The following DNM2 variants were observed in gnomAD, a reference collection of about 807,000 sequenced individuals.
DNM2 encodes dynamin 2.
In DNM2, 15 loss-of-function variants were observed where a neutral mutation model predicts 99.0. The observed-to-expected ratio is 0.15, with a 90% CI of 0.10 to 0.23. The LOEUF (loss-of-function observed/expected upper bound fraction) is 0.23, where lower values mean the gene tolerates loss of function less well. DNM2 is among the 10% of genes least tolerant of loss of function. DNM2 has a pLI of 1.00. For missense variants in DNM2, 742 were observed against 1,189.4 expected, an observed-to-expected ratio of 0.62 and a Z score of 5.53; for synonymous variants, 525 against 481.2, an observed-to-expected ratio of 1.09 and a Z score of -1.19.
Position 10,795,979 on chromosome 19 carries a change from C to T in DNM2, c.1196+540C>T, listed in dbSNP as rs867280547. 3.1e-6 allele frequency: 5 copies of T among 1,602,950 alleles called. No homozygotes were observed. Among genetic ancestry groups the T allele is most frequent in the African/African-American group, 2.7e-5 (2 of 74,780 alleles). On this transcript the variant is annotated intron_variant, in intron 9 of 20. Transcript: ENST00000389253. This position sits in a 1 kb window ranked among gnomAD's most constrained non-coding sequence, Gnocchi z 4.2. ...CAACCTTCATTCCTTGTTGGGGACCCGGCCAGGGCCAATGAAATTGCTGAC... is the reference window on the plus strand; with the variant it reads ...CAACCTTCATTCCTTGTTGGGGACCTGGCCAGGGCCAATGAAATTGCTGAC...
intron 1 of DNM2, among the ~76,000 whole-genome samples, chr19:10,735,417 C>G (rs1299881480): frequency 2.0e-5 from 3 of 152,164 alleles, no homozygotes; most frequent in Non-Finnish European, 4.4e-5. Flanking sequence ...ATGATGCTGA[C>G]CTTGATCTCT....
chr19:10,767,495 A>G (rs2070836308), intron 2 of DNM2, among the ~76,000 whole-genome samples: 1 of 152,154 alleles, frequency 6.6e-6, no homozygotes, highest in South Asian at 2.1e-4. Flanking sequence ...ATTTTTTTGT[A>G]CATGTAGGAT....
At chr19:10,802,654 C>A (rs1466682824) in intron 12 of DNM2, 12 of 475,966 alleles carry the variant, frequency 2.5e-5, no homozygotes, top group African/African-American at 1.2e-4. Context: ...GCTGCACCCC[C>A]TCTCCTTCAG....
At chr19:10,736,712 TTTTTA>T (rs376677048) in intron 1 of DNM2, among the ~76,000 whole-genome samples, 44 of 152,190 alleles carry the variant, frequency 2.9e-4, no homozygotes, top group African/African-American at 1.0e-3. Flanking sequence ...CTGGTACTGG[TTTTTA>T]TAACTGTGTA....
At position 10,795,837 on chromosome 19, in the gene DNM2, CCTT is replaced by C. The variant is rs2146024816; in HGVS notation, c.1196+399_1196+401del. ...TCCTCGTGAGCCTCTTGGGTCCCCT[CCTT>C]ATTCTAACAAAGGTAGTTGCTCCAG... On this transcript the variant is annotated intron_variant, in intron 9 of 20. Transcript: ENST00000389253. The surrounding 1 kb of genome is among the most constrained non-coding windows in gnomAD (Gnocchi z 4.2). 2 of 672,896 alleles carry C rather than the reference CCTT, an allele frequency of 3.0e-6. No individual in the cohort carries two copies. Among genetic ancestry groups the C allele is most frequent in the East Asian group, 5.5e-5 (2 of 36,520 alleles). 41.7% of individuals were successfully genotyped at this position (672,896 alleles called of 1,614,324 possible).
chr19:10,828,502 G>T (rs1322456738), intron 18 of DNM2, among the ~76,000 whole-genome samples: 1 of 151,688 alleles, frequency 6.6e-6, no homozygotes, highest in Non-Finnish European at 1.5e-5. Context: ...CAGGAGAATG[G>T]CATAAACCCG....
chr19:10,797,567 C>T, intron 10 of DNM2, 49 bp downstream of exon 10: 3 of 1,613,288 alleles, frequency 1.9e-6, no homozygotes, highest in Non-Finnish European at 1.7e-6. Context: ...CCTCCCCCTC[C>T]ATGTGTTAGT....
chr19:10,746,826 T>C (rs1425272307), intron 1 of DNM2, among the ~76,000 whole-genome samples: 1 of 141,968 alleles, frequency 7.0e-6, no homozygotes, highest in Non-Finnish European at 1.5e-5. Context: ...GACCTCTGCC[T>C]CCTGGGTTCA....
intron 1 of DNM2, among the ~76,000 whole-genome samples, chr19:10,738,801 C>A (rs544145445): frequency 6.7e-6 from 1 of 149,922 alleles, no homozygotes; most frequent in African/African-American, 2.5e-5. Context: ...ACCCAGGAGG[C>A]AGAGGTTGCT....
intron 7 of DNM2, among the ~76,000 whole-genome samples, chr19:10,792,530 C>A (rs1487886091): frequency 4.6e-5 from 7 of 152,354 alleles, no homozygotes; most frequent in African/African-American, 1.7e-4. Context: ...CAGGCCCGTT[C>A]TAAGGGGCGA....
chr19:10,794,033 G>A (rs1387780174), intron 8 of DNM2, among the ~76,000 whole-genome samples, 178 bp downstream of exon 8: 1 of 152,200 alleles, frequency 6.6e-6, no homozygotes, highest in Non-Finnish European at 1.5e-5. Flanking sequence ...CTGACACTCA[G>A]CTTTGAGGTT....
Position 10,777,219 on chromosome 19 carries a change from G to A in DNM2, c.688+3G>A, listed in dbSNP as rs1317518648. The A allele has an allele frequency of 1.2e-6, 2 of 1,614,000 alleles. No individual in the cohort carries two copies. Among genetic ancestry groups the A allele is most frequent in the Non-Finnish European group, 8.5e-7 (1 of 1,179,980 alleles). On this transcript the variant is annotated splice_donor_region_variant and intron_variant, in intron 5 of 20. Transcript: ENST00000389253. Reference sequence around the variant, plus strand: ...CAAGTTGCTCCCGTTGAGAAGAGGTGTGGCTTTGGGGGTGCTGGGGAAGCA... The same window carrying A: ...CAAGTTGCTCCCGTTGAGAAGAGGTATGGCTTTGGGGGTGCTGGGGAAGCA...
intron 11 of DNM2, among the ~76,000 whole-genome samples, chr19:10,800,691 G>C (rs1390215051): frequency 6.6e-6 from 1 of 152,278 alleles, no homozygotes. Context: ...GGGGAGTCCA[G>C]TGACGCGCAT....
intron 1 of DNM2, among the ~76,000 whole-genome samples, chr19:10,739,814 C>T (rs562738876): frequency 1.3e-5 from 2 of 148,768 alleles, no homozygotes; most frequent in Non-Finnish European, 3.0e-5. Context: ...CGAGATCACT[C>T]CACTGCACTC....
Position 10,796,170 on chromosome 19 carries a change from A to G in DNM2, c.1196+731A>G. On this transcript the variant is annotated intron_variant, in intron 9 of 20. Transcript: ENST00000389253. This position sits in a 1 kb window ranked among gnomAD's most constrained non-coding sequence, Gnocchi z 5.6. The stretch of plus-strand genomic sequence containing the variant: ...TGTCGACCTGGTTATCCAGGAGCTA[A>G]TCAATACAGTTAGGCAGTGTACCAG... 1 of 1,614,160 alleles carries G rather than the reference A, an allele frequency of 6.2e-7. No homozygotes were observed.
chr19:10,766,564 C>T (rs916461104), intron 2 of DNM2, among the ~76,000 whole-genome samples: 10 of 151,994 alleles, frequency 6.6e-5, no homozygotes, highest in Admixed American at 4.6e-4. Context: ...TAGGTTAGAG[C>T]ACAGATTCTT....
In DNM2 at chr19:10,797,460, A is replaced by G; in HGVS notation, c.1277A>G (p.Lys426Arg). The change falls in exon 10 of 21, where the codon AAG (lysine) becomes AGG (arginine). Residue 426 changes from lysine (K) to arginine (R), a missense_variant. Coordinates refer to ENST00000389253, the MANE Select transcript of DNM2 (RefSeq NM_001005361.3). ...QIVKLKEPSLKCVDLVVSELA... is the reference protein window; with the variant it reads ...QIVKLKEPSLRCVDLVVSELA... ...GTAAAACTCAAAGAGCCGAGTTTGA[A>G]GTGTGTTGATCTCGTGGTCTCAGAG... The G allele has an allele frequency of 6.2e-7, 1 of 1,614,058 alleles. No individual in the cohort carries two copies.
At position 10,831,093 on chromosome 19, in the gene DNM2, C is replaced by T. The variant is rs528790280; in HGVS notation, c.*46C>T. ...TCGGGGGGGCCTCACGCACCCGCGG[C>T]GCAGGAGCTTCAGTGGTCTGGGGCC... On this transcript the variant is annotated 3_prime_UTR_variant, in exon 21 of 21. Coordinates refer to ENST00000389253, the MANE Select transcript of DNM2 (RefSeq NM_001005361.3). The surrounding 1 kb of genome is among the most constrained non-coding windows in gnomAD (Gnocchi z 4.3). The T allele has an allele frequency of 9.9e-5, 154 of 1,555,678 alleles. No homozygotes were observed. Among genetic ancestry groups the T allele is most frequent in the East Asian group, 2.1e-4 (9 of 42,262 alleles).
intron 5 of DNM2, among the ~76,000 whole-genome samples, chr19:10,780,089 G>A (rs1002443098): frequency 2.6e-5 from 4 of 152,106 alleles, no homozygotes; most frequent in African/African-American, 9.7e-5. Context: ...CCACCTCGAT[G>A]TCTGAGATAG....
Sources: allele counts gnomAD v4.1 joint callset (sites outside exome capture counted in the v4.1 genomes callset), GRCh38; gene constraint gnomAD v4.1.1; non-coding constraint Gnocchi (gnomAD v3.1); transcripts MANE v1.5; gene names NCBI Gene and HGNC (gene_info 2026-07-23, HGNC 2026-07-21).